Variants in SLA2 observed in about 807,000 individuals in gnomAD.
SLA2 encodes the protein src-like-adapter 2.
Under a neutral mutation model 27.3 loss-of-function variants are expected in SLA2, and 22 were observed. The observed-to-expected ratio is 0.81, with a 90% CI of 0.58 to 1.15. The LOEUF is 1.15. Ranked by LOEUF, SLA2 falls within the 50% of genes most tolerant of loss-of-function variation. The pLI, the probability that SLA2 is intolerant of heterozygous loss-of-function variation, is 0.00. For synonymous variants in SLA2, 131 were observed against 137.8 expected, an observed-to-expected ratio of 0.95 and a Z score of 0.34; for missense variants, 304 against 322.2, an observed-to-expected ratio of 0.94 and a Z score of 0.43.
intron 2 of SLA2, among the ~76,000 whole-genome samples, chr20:36,639,636 G>A (rs970065681): frequency 6.6e-6 from 1 of 150,856 alleles, no homozygotes; most frequent in Non-Finnish European, 1.5e-5. Flanking sequence ...GGTGGATCAC[G>A]AGGTCAGGAG....
intron 2 of SLA2, among the ~76,000 whole-genome samples, chr20:36,637,581 T>C (rs2039464287): frequency 6.6e-6 from 1 of 151,716 alleles, no homozygotes; most frequent in Non-Finnish European, 1.5e-5. Flanking sequence ...GCAGGCACAT[T>C]GATGTTATTT....
chr20:36,630,655 G>A (rs747278810), intron 5 of SLA2, among the ~76,000 whole-genome samples: 1 of 152,168 alleles, frequency 6.6e-6, no homozygotes, highest in African/African-American at 2.4e-5. Flanking sequence ...GACAATGGAA[G>A]TACAATCCCC....
chr20:36,641,161 G>T, intron 2 of SLA2, 84 bp downstream of exon 2: 1 of 1,155,954 alleles, frequency 8.7e-7, no homozygotes. Context: ...CTGTGTTGGA[G>T]CTGCTGGCCA....
chr20:36,615,758 G>A (rs925878473), intron 5 of SLA2, among the ~76,000 whole-genome samples: 5 of 152,122 alleles, frequency 3.3e-5, no homozygotes, highest in Admixed American at 6.6e-5. Context: ...AAATTAGTAC[G>A]AGCCACCTTG....
At position 36,641,328 on chromosome 20, in the gene SLA2, C is replaced by T; in HGVS notation, c.8G>A (p.Ser3Asn). Reference sequence around the variant, plus strand: ...CAGAGATTTTCTTCTGCTGGGCAGACTTCCCATTGTTCCTCAGCAGAGCAC... The same window carrying T: ...CAGAGATTTTCTTCTGCTGGGCAGATTTCCCATTGTTCCTCAGCAGAGCAC... MGSLPSRRKSLPS... is the reference protein window; with the variant it reads MGNLPSRRKSLPS... Residue 3 changes from serine to asparagine, a missense_variant, in exon 2 of 8, where the codon AGT (serine) becomes AAT (asparagine). Transcript: ENST00000262866. The T allele has an allele frequency of 6.2e-7, 1 of 1,613,896 alleles. No homozygotes were observed. Among genetic ancestry groups the T allele is most frequent in the Non-Finnish European group, 8.5e-7 (1 of 1,179,804 alleles).
At chr20:36,637,459 T>C (rs527257633) in intron 2 of SLA2, among the ~76,000 whole-genome samples, 1 of 151,712 alleles carries the variant, frequency 6.6e-6, no homozygotes, top group Admixed American at 6.6e-5. Context: ...CCTCCCAGAG[T>C]GCTGGGATTA....
At position 36,634,565 on chromosome 20, in the gene SLA2, G is replaced by T. The variant is rs1192328833; in HGVS notation, c.116C>A (p.Ala39Asp). Residue 39 changes from alanine (A) to aspartate (D), a missense_variant, in exon 3 of 8, where the codon GCC (alanine) becomes GAC (aspartate). Physicochemically the swap from Ala to Asp is moderately radical, Grantham distance 126 (BLOSUM62 -2). Coordinates refer to ENST00000262866, the MANE Select transcript of SLA2 (RefSeq NM_032214.4). ...GCCACCTGCCGGGAAACTGCCCAGGGCCACGGCTGTGGCCTTGCTTCTCTC... is the reference window on the plus strand; with the variant it reads ...GCCACCTGCCGGGAAACTGCCCAGGTCCACGGCTGTGGCCTTGCTTCTCTC... ...EAERSKATAV[A>D]LGSFPAGGPA... is the part of the protein sequence containing the mutation. 1 of 1,609,958 alleles carries T rather than the reference G, an allele frequency of 6.2e-7. No homozygotes were observed. The highest frequency in any genetic ancestry group is 1.1e-5 in the South Asian group (1 of 90,490).
In SLA2 at chr20:36,614,440, G is replaced by A; in HGVS notation, c.533-3C>T. The A allele has an allele frequency of 6.9e-6, 11 of 1,602,872 alleles. No homozygotes were observed. Among genetic ancestry groups the A allele is most frequent in the Non-Finnish European group, 8.5e-6 (10 of 1,173,860 alleles). On this transcript the variant is annotated splice_region_variant and splice_polypyrimidine_tract_variant and intron_variant, in intron 6 of 7. Transcript: ENST00000262866. ...GCAGCAGATGTCATCCGCCAGCTCT[G>A]AGGAAGAGACCTCCATCCCTGACAT... is the stretch of plus-strand genomic sequence containing the variant.
chr20:36,619,603 A>ACC (rs1397935945), intron 5 of SLA2, among the ~76,000 whole-genome samples: 2 of 145,212 alleles, frequency 1.4e-5, no homozygotes, highest in Non-Finnish European at 3.0e-5. Context: ...CAACATAGAG[A>ACC]CCCCCTTCCC....
At chr20:36,642,076 G>A (rs369483940) in intron 1 of SLA2, among the ~76,000 whole-genome samples, 39 of 132,330 alleles carry the variant, frequency 2.9e-4, no homozygotes, top group African/African-American at 1.1e-3. Flanking sequence ...GCTGAGACAG[G>A]AGAATTGCTT....
intron 1 of SLA2, among the ~76,000 whole-genome samples, chr20:36,644,279 C>A (rs144227135): frequency 6.6e-6 from 1 of 152,090 alleles, no homozygotes; most frequent in Non-Finnish European, 1.5e-5. Context: ...AGGGAGAGAA[C>A]CTCTGGCTTG....
intron 2 of SLA2, among the ~76,000 whole-genome samples, chr20:36,637,242 GC>G (rs2147994729): frequency 8.1e-6 from 1 of 123,814 alleles, no homozygotes; most frequent in Non-Finnish European, 1.6e-5. Context: ...TCGCTCTGTC[GC>G]CCAGGCTGGA....
chr20:36,639,408 CA>C (rs1472386468), intron 2 of SLA2, among the ~76,000 whole-genome samples: 6 of 151,998 alleles, frequency 3.9e-5, no homozygotes, highest in African/African-American at 1.4e-4. Context: ...CACACACACA[CA>C]CACACACACA....
intron 4 of SLA2, 28 bp downstream of exon 4, chr20:36,633,515 G>A (rs746115150): frequency 1.1e-5 from 18 of 1,586,656 alleles, no homozygotes; most frequent in African/African-American, 2.7e-5. Flanking sequence ...AGGAAGCTCT[G>A]CAAGGCGGGC....
chr20:36,620,381 A>G, intron 5 of SLA2: 1 of 173,126 alleles, frequency 5.8e-6, no homozygotes, highest in Non-Finnish European at 1.2e-5. Context: ...ACTCTGTCTC[A>G]AAAAAATAAA....
In SLA2 at chr20:36,639,623, G is replaced by A. The variant is rs142985670; in HGVS notation, c.91+1622C>T. ...AATCCCAGCACTTTGGGAGGCCGAG[G>A]TGGGTGGATCACGAGGTCAGGAGAT... is the stretch of plus-strand genomic sequence containing the variant. On this transcript the variant is annotated intron_variant, in intron 2 of 7. Transcript: ENST00000262866. 4.3e-3 allele frequency among the ~76,000 whole-genome samples: 649 copies of A among 152,086 alleles called. 6 individuals are homozygous for A. Among genetic ancestry groups the A allele is most frequent in the African/African-American group, 0.015 (614 of 41,492 alleles).
At chr20:36,635,242 A>G (rs2039432853) in intron 2 of SLA2, among the ~76,000 whole-genome samples, 1 of 151,572 alleles carries the variant, frequency 6.6e-6, no homozygotes, top group Non-Finnish European at 1.5e-5. Context: ...GCTGAAGGCC[A>G]CTCACTGCAC....
chr20:36,644,513 C>A (rs1978286121), intron 1 of SLA2, among the ~76,000 whole-genome samples: 1 of 152,208 alleles, frequency 6.6e-6, no homozygotes, highest in Non-Finnish European at 1.5e-5. Context: ...TGAGAGACTC[C>A]TTCCTGCCGC....
rs1432392587 is a variant in SLA2, at chr20:36,641,340, C to T, written c.-5G>A. ...TCTGCTGGGCAGACTTCCCATTGTTCCTCAGCAGAGCACTCAGAAGCACAT... is the reference window on the plus strand; with the variant it reads ...TCTGCTGGGCAGACTTCCCATTGTTTCTCAGCAGAGCACTCAGAAGCACAT... On this transcript the variant is annotated 5_prime_UTR_variant, in exon 2 of 8. Coordinates refer to ENST00000262866, the MANE Select transcript of SLA2 (RefSeq NM_032214.4). 2 of 1,613,242 alleles carry T rather than the reference C, an allele frequency of 1.2e-6. No individual in the cohort carries two copies. The highest frequency in any genetic ancestry group is 1.7e-6 in the Non-Finnish European group (2 of 1,179,282).
Sources: gnomAD v4.1 joint callset for allele counts (sites outside exome capture counted in the v4.1 genomes callset) on GRCh38, gnomAD v4.1.1 for gene constraint, MANE v1.5 for transcripts, NCBI Gene and HGNC (gene_info 2026-07-23, HGNC 2026-07-21) for gene names.